Variants in ELP4 observed in about 807,000 individuals in gnomAD.
The protein encoded by ELP4 is elongator complex protein 4.
ELP4 carries 51 observed loss-of-function variants against 48.9 expected under a neutral mutation model. That is an observed-to-expected ratio of 1.04 (90% confidence interval 0.83 to 1.32). The LOEUF (loss-of-function observed/expected upper bound fraction) is 1.32. Ranked by LOEUF, ELP4 falls within the 40% of genes most tolerant of loss-of-function variation. ELP4 has a pLI of 0.00. For missense variants in ELP4, 519 were observed against 514.6 expected, an observed-to-expected ratio of 1.01 and a Z score of -0.08; for synonymous variants, 210 against 189.2, an observed-to-expected ratio of 1.11 and a Z score of -0.90.
chr11:31,783,390 T>C lies in ELP4; in HGVS notation c.1144-3T>C, dbSNP rs2134290832. ...TTTCTTCTCCTGAAATCTTCTGCCA[T>C]AGCGACTGCATTTGCCTCCAGACTT... is the stretch of plus-strand genomic sequence containing the variant. On this transcript the variant is annotated splice_polypyrimidine_tract_variant and splice_region_variant and intron_variant, in intron 9 of 9. Transcript: ENST00000640961. The C allele has an allele frequency of 1.2e-6, 2 of 1,610,224 alleles. No homozygotes were observed. The highest frequency in any genetic ancestry group is 1.7e-6 in the Non-Finnish European group (2 of 1,178,148).
intron 9 of ELP4, chr11:31,763,550 G>A: frequency 6.3e-7 from 1 of 1,591,858 alleles, no homozygotes; most frequent in Non-Finnish European, 8.5e-7. Flanking sequence ...CTTGCAAAGG[G>A]TATGGGCTTT....
intron 9 of ELP4, chr11:31,663,975 ACTT>A (rs1456341394): frequency 6.6e-6 from 1 of 152,096 alleles, no homozygotes; most frequent in East Asian, 1.9e-4. Context: ...GTAAAACAAA[ACTT>A]CTTTTCAAAG....
intron 2 of ELP4, among the ~76,000 whole-genome samples, chr11:31,533,855 A>C (rs560214128): frequency 5.1e-4 from 76 of 150,154 alleles, no homozygotes; most frequent in African/African-American, 1.9e-3. Flanking sequence ...GTTTTGTTTG[A>C]GACGGAGTCT....
At chr11:31,617,188 TAAATA>T (rs1944508176) in intron 5 of ELP4, among the ~76,000 whole-genome samples, 1 of 152,076 alleles carries the variant, frequency 6.6e-6, no homozygotes. Flanking sequence ...GATGAACTGA[TAAATA>T]AAATATACCA....
intron 9 of ELP4, among the ~76,000 whole-genome samples, chr11:31,660,347 A>G (rs1359502949): frequency 6.6e-6 from 1 of 152,194 alleles, no homozygotes; most frequent in Non-Finnish European, 1.5e-5. Context: ...TCACTTGTAC[A>G]TATTGTAATA....
chr11:31,571,089 T>G (rs1289976050), intron 3 of ELP4, among the ~76,000 whole-genome samples: 3 of 152,118 alleles, frequency 2.0e-5, no homozygotes, highest in African/African-American at 7.2e-5. Context: ...TAAGCCACCG[T>G]GCCCAGCCCA....
At chr11:31,668,723 A>AGTGTGTGTGT (rs1565103665) in intron 9 of ELP4, among the ~76,000 whole-genome samples, 1 of 33,298 alleles carries the variant, frequency 3.0e-5, no homozygotes, top group African/African-American at 1.1e-4. Flanking sequence ...TGTGTGTGTA[A>AGTGTGTGTGT]GAACCCTGTA....
At chr11:31,682,444 G>A (rs1411102491) in intron 9 of ELP4, among the ~76,000 whole-genome samples, 1 of 152,194 alleles carries the variant, frequency 6.6e-6, no homozygotes, top group Non-Finnish European at 1.5e-5. Flanking sequence ...CATATTCAGA[G>A]TTGACTTCAA....
At chr11:31,725,225 CTGAT>C (rs1947052683) in intron 9 of ELP4, among the ~76,000 whole-genome samples, 1 of 152,192 alleles carries the variant, frequency 6.6e-6, no homozygotes, top group Admixed American at 6.5e-5. Flanking sequence ...ATCATACTTT[CTGAT>C]GTCAGGGTAC....
chr11:31,770,409 G>A (rs1459711578), intron 9 of ELP4, among the ~76,000 whole-genome samples: 3 of 152,110 alleles, frequency 2.0e-5, no homozygotes, highest in Admixed American at 6.5e-5. Flanking sequence ...TGATGCTGCT[G>A]GAGAGAGGGG....
chr11:31,695,747 A>G (rs1470572767), intron 9 of ELP4, among the ~76,000 whole-genome samples: 1 of 139,992 alleles, frequency 7.1e-6, no homozygotes, highest in Non-Finnish European at 1.5e-5. Context: ...GAATGGTACC[A>G]GCTCCTCCTT....
chr11:31,721,176 G>T (rs954012355), intron 9 of ELP4, among the ~76,000 whole-genome samples: 2 of 152,154 alleles, frequency 1.3e-5, no homozygotes, highest in Non-Finnish European at 2.9e-5. Flanking sequence ...CTGGAAAGAT[G>T]TACTTTTGAG....
At chr11:31,693,869 T>C (rs1480112080) in intron 9 of ELP4, among the ~76,000 whole-genome samples, 1 of 152,238 alleles carries the variant, frequency 6.6e-6, no homozygotes, top group Non-Finnish European at 1.5e-5. Flanking sequence ...TGGTATGAGA[T>C]GGTATCTCAT....
At chr11:31,707,105 G>A (rs2134165759) in intron 9 of ELP4, 1 of 397,618 alleles carries the variant, frequency 2.5e-6, no homozygotes, top group Admixed American at 4.4e-5. Flanking sequence ...CCAGTAGTGG[G>A]ATTGCTGGAT....
intron 6 of ELP4, 80 bp from the exon 7 acceptor site, chr11:31,632,137 G>A: frequency 2.5e-6 from 3 of 1,182,766 alleles, no homozygotes; most frequent in Non-Finnish European, 3.5e-6. Context: ...ATGTTATAAA[G>A]ATAAGAACTG....
intron 4 of ELP4, among the ~76,000 whole-genome samples, chr11:31,595,868 A>G (rs181448695): frequency 6.6e-6 from 1 of 152,342 alleles, no homozygotes; most frequent in East Asian, 1.9e-4. Flanking sequence ...CAAAATCTGT[A>G]TAATCTAATC....
chr11:31,513,815 G>A (rs749894764), intron 1 of ELP4, among the ~76,000 whole-genome samples: 33 of 152,094 alleles, frequency 2.2e-4, no homozygotes, highest in Non-Finnish European at 4.4e-4. Flanking sequence ...TTTGAAAATC[G>A]TGGAAGATAC....
chr11:31,599,062 T>C (rs940903034), intron 4 of ELP4: 1 of 152,196 alleles, frequency 6.6e-6, no homozygotes, highest in Non-Finnish European at 1.5e-5. Flanking sequence ...TATTATCATC[T>C]ATCTCCTACT....
intron 9 of ELP4, among the ~76,000 whole-genome samples, chr11:31,749,707 A>G (rs753874137): frequency 6.6e-6 from 1 of 152,240 alleles, no homozygotes; most frequent in Non-Finnish European, 1.5e-5. Flanking sequence ...AATACTGAAA[A>G]AAATAAATAC....
Sources: allele counts gnomAD v4.1 joint callset (sites outside exome capture counted in the v4.1 genomes callset), GRCh38; gene constraint gnomAD v4.1.1; transcripts MANE v1.5; gene names NCBI Gene and HGNC (gene_info 2026-07-23, HGNC 2026-07-21).